VPS41: variants seen among roughly 807,000 people sequenced by gnomAD.
VPS41 encodes the protein vacuolar protein sorting-associated protein 41 homolog.
A neutral mutation model predicts 130.9 loss-of-function variants in VPS41; 85 were observed. The ratio of observed to expected loss-of-function variants is 0.65; its 90% confidence interval spans 0.55 to 0.78. The LOEUF (loss-of-function observed/expected upper bound fraction) is 0.78, where lower values mean the gene tolerates loss of function less well. Among genes scored for constraint, VPS41 ranks in the 30% least tolerant of loss-of-function variants. The pLI, the probability that VPS41 is intolerant of heterozygous loss-of-function variation, is 0.00. For missense variants in VPS41, 874 were observed against 1,018.7 expected (o/e 0.86, Z 1.93); for synonymous variants, 335 against 332.9 (o/e 1.01, Z -0.07).
chr7:38,884,832 C>G (rs1786688315), intron 2 of VPS41, among the ~76,000 whole-genome samples: 2 of 152,180 alleles, frequency 1.3e-5, no homozygotes, highest in Non-Finnish European at 2.9e-5. Context: ...AAGCAGACCT[C>G]AAAACACTTC....
intron 19 of VPS41, among the ~76,000 whole-genome samples, chr7:38,756,450 C>T (rs1404514744): frequency 1.3e-5 from 2 of 152,056 alleles, no homozygotes; most frequent in Non-Finnish European, 1.5e-5. Flanking sequence ...AGTAATAAGT[C>T]GGTCAAGATG....
chr7:38,753,497 T>G (rs1783725158), intron 21 of VPS41, among the ~76,000 whole-genome samples: 1 of 152,040 alleles, frequency 6.6e-6, no homozygotes, highest in Non-Finnish European at 1.5e-5. Context: ...GTGGTGCTGT[T>G]TCCCAGAGTG....
At chr7:38,727,340 G>A in intron 27 of VPS41, among the ~76,000 whole-genome samples, 1 of 152,124 alleles carries the variant, frequency 6.6e-6, no homozygotes, top group Non-Finnish European at 1.5e-5. Flanking sequence ...TCATAAAAAT[G>A]CTTTGCCAGT....
At chr7:38,742,153 T>TA in intron 24 of VPS41, 32 bp from the exon 25 acceptor site, 1 of 1,566,070 alleles carries the variant, frequency 6.4e-7, no homozygotes, top group Non-Finnish European at 8.6e-7. Context: ...AATGAACATA[T>TA]AAGCAACATT....
In VPS41 at chr7:38,774,158, T is replaced by C; in HGVS notation, c.969A>G (p.Thr323=). The part of the protein sequence containing the change: ...TCEEISSDAL[T]VRGFQENECR... Reference sequence around the variant, plus strand: ...ATTCATTCTCCTGAAAGCCTCTGACTGTCAAAGCATCAGAAGAGATCTCTT... The same window carrying C: ...ATTCATTCTCCTGAAAGCCTCTGACCGTCAAAGCATCAGAAGAGATCTCTT... The change falls in exon 12 of 29, where the codon ACA becomes ACG. Residue 323 remains threonine, a synonymous_variant. Transcript: ENST00000310301. 6.2e-7 allele frequency: 1 copy of C among 1,609,054 alleles called. No homozygotes were observed.
intron 16 of VPS41, 66 bp from the exon 17 acceptor site, chr7:38,763,613 T>C (rs1317862367): frequency 2.1e-6 from 2 of 972,730 alleles, no homozygotes; most frequent in Non-Finnish European, 3.1e-6. Flanking sequence ...ATTCCAATTA[T>C]GCAGAAAACA....
In VPS41 at chr7:38,829,894, A is replaced by G. The variant is rs115606907; in HGVS notation, c.321+360T>C. ...ACTGGCCCACAGAAATCATGCCCACAAAATCCAATTTTGTGGATTTATGGC... is the reference window on the plus strand; with the variant it reads ...ACTGGCCCACAGAAATCATGCCCACGAAATCCAATTTTGTGGATTTATGGC... On this transcript the variant is annotated intron_variant, in intron 5 of 28. Coordinates refer to ENST00000310301, the MANE Select transcript of VPS41 (RefSeq NM_014396.4). Among the ~76,000 whole-genome samples, 999 of 152,348 alleles carry G rather than the reference A, an allele frequency of 6.6e-3. 12 individuals carry two copies. Among genetic ancestry groups the G allele is most frequent in the African/African-American group, 0.022 (907 of 41,564 alleles).
intron 22 of VPS41, 145 bp downstream of exon 22, chr7:38,752,031 C>T: frequency 2.4e-6 from 3 of 1,235,012 alleles, no homozygotes; most frequent in South Asian, 2.9e-5. Context: ...ATGTCCCAGC[C>T]AAAAACCTAC....
intron 2 of VPS41, among the ~76,000 whole-genome samples, chr7:38,882,749 T>C (rs936450832): frequency 6.6e-6 from 1 of 152,228 alleles, no homozygotes; most frequent in Non-Finnish European, 1.5e-5. Context: ...GCCCACATTT[T>C]AGTCAGGAAA....
chr7:38,839,515 T>C (rs1785564702), intron 4 of VPS41, among the ~76,000 whole-genome samples: 1 of 151,216 alleles, frequency 6.6e-6, no homozygotes, highest in African/African-American at 2.4e-5. Context: ...CTCTGCCTGC[T>C]AACCAGCAGA....
At chr7:38,881,139 T>G (rs1000754693) in intron 2 of VPS41, among the ~76,000 whole-genome samples, 3 of 152,202 alleles carry the variant, frequency 2.0e-5, no homozygotes, top group African/African-American at 7.2e-5. Context: ...TGCTGTAGAT[T>G]AGAAGTCTGA....
intron 16 of VPS41, 67 bp from the exon 17 acceptor site, chr7:38,763,614 G>T: frequency 1.0e-6 from 1 of 959,648 alleles, no homozygotes; most frequent in South Asian, 1.6e-5. Context: ...TTCCAATTAT[G>T]CAGAAAACAT....
intron 1 of VPS41, among the ~76,000 whole-genome samples, chr7:38,902,814 G>A (rs1215633712): frequency 2.0e-5 from 3 of 152,208 alleles, no homozygotes; most frequent in Non-Finnish European, 4.4e-5. Flanking sequence ...CTCAGCCTGA[G>A]GACATTCACT....
chr7:38,726,903 A>G lies in VPS41; in HGVS notation c.2484+6T>C. On this transcript the variant is annotated splice_donor_region_variant and intron_variant, in intron 28 of 28. Transcript: ENST00000310301. ...CTAGTTGATAGGTGCCAAGCTGCCA[A>G]CTCACCATGCTGGGCATGGGCAGGC... 1 of 1,545,590 alleles carries G rather than the reference A, an allele frequency of 6.5e-7. No homozygotes were observed.
chr7:38,858,545 C>G (rs927411044), intron 4 of VPS41, among the ~76,000 whole-genome samples: 4 of 152,162 alleles, frequency 2.6e-5, no homozygotes, highest in Admixed American at 6.5e-5. Context: ...TTTTGGTTTA[C>G]ACCATAGACT....
intron 4 of VPS41, among the ~76,000 whole-genome samples, chr7:38,859,394 G>C (rs1786053644): frequency 6.6e-6 from 1 of 151,942 alleles, no homozygotes; most frequent in Non-Finnish European, 1.5e-5. Context: ...TTCACTCACT[G>C]CTCATTCACT....
At position 38,852,426 on chromosome 7, in the gene VPS41, T is replaced by C. The variant is rs142030541; in HGVS notation, c.246+10119A>G. Among the ~76,000 whole-genome samples, 585 of 152,320 alleles carry C rather than the reference T, an allele frequency of 3.8e-3. 5 individuals are homozygous for C. Among genetic ancestry groups the C allele is most frequent in the African/African-American group, 0.014 (567 of 41,566 alleles). ...CTTGTTACAAGCAATAAAATCCCTT[T>C]ACTAAATACTAAATCTTACTAAATC... On this transcript the variant is annotated intron_variant, in intron 4 of 28. Coordinates refer to ENST00000310301, the MANE Select transcript of VPS41 (RefSeq NM_014396.4).
intron 19 of VPS41, among the ~76,000 whole-genome samples, chr7:38,755,794 T>C (rs1396201345): frequency 6.6e-6 from 1 of 152,044 alleles, no homozygotes. Flanking sequence ...TGGAGAACAA[T>C]GGAAGGGGGT....
intron 22 of VPS41, among the ~76,000 whole-genome samples, chr7:38,750,519 T>C (rs1365180967): frequency 2.0e-5 from 3 of 152,234 alleles, no homozygotes; most frequent in Non-Finnish European, 2.9e-5. Context: ...TTGGTTTTAC[T>C]ATGCTTGTGC....
Sources: allele counts gnomAD v4.1 joint callset (sites outside exome capture counted in the v4.1 genomes callset), GRCh38; gene constraint gnomAD v4.1.1; transcripts MANE v1.5; gene names NCBI Gene and HGNC (gene_info 2026-07-23, HGNC 2026-07-21).